Variants in OTP observed in about 807,000 individuals in gnomAD.
The protein encoded by OTP is orthopedia homeobox.
In OTP, 5 loss-of-function variants were observed where a neutral mutation model predicts 22.3. The observed-to-expected ratio is 0.22, with a 90% CI of 0.12 to 0.47. The LOEUF (loss-of-function observed/expected upper bound fraction) is 0.47, where lower values mean the gene tolerates loss of function less well. Among genes scored for constraint, OTP ranks in the 20% least tolerant of loss-of-function variants. The pLI, the probability that OTP is intolerant of heterozygous loss-of-function variation, is 0.99. For missense variants in OTP, 428 were observed against 456.2 expected (o/e 0.94, Z 0.56); for synonymous variants, 229 against 210.6 (o/e 1.09, Z -0.76).
At chr5:77,631,604 G>A (rs1744932942) in intron 2 of OTP, among the ~76,000 whole-genome samples, 1 of 138,556 alleles carries the variant, frequency 7.2e-6, no homozygotes, top group Admixed American at 7.7e-5. Context: ...TGTAGCCCAG[G>A]TTGGAGTGCA....
In OTP at chr5:77,630,740, C is replaced by T. The variant is rs769791656; in HGVS notation, c.502G>A (p.Val168Met). The T allele has an allele frequency of 3.8e-6, 6 of 1,581,130 alleles. No individual in the cohort carries two copies. The highest frequency in any genetic ancestry group is 5.1e-6 in the Non-Finnish European group (6 of 1,172,378). Residue 168 changes from valine to methionine, a missense_variant, in exon 3 of 3, where the codon GTG becomes ATG. By Grantham distance (21) the Val-to-Met change is conservative. This residue lies in a region of OTP where 236 missense variants were observed against 238.1 expected (regional missense o/e 0.99). Coordinates refer to ENST00000306422, the MANE Select transcript of OTP (RefSeq NM_032109.3). The stretch of plus-strand genomic sequence containing the variant: ...AGCAGTGTGCCGGGCGCACGGAACA[C>T]GTTGGTCGTCTTTTTGCGCTTCTTC... ...KWKKRKKTTN[V>M]FRAPGTLLPT... is the part of the protein sequence containing the mutation.
chr5:77,632,531 CG>C (rs1561245899), intron 2 of OTP, among the ~76,000 whole-genome samples: 2 of 152,204 alleles, frequency 1.3e-5, no homozygotes, highest in South Asian at 4.2e-4. Context: ...TACCTGCCCT[CG>C]GTCTCGGTGA....
At chr5:77,637,963 C>T (rs1438344606) in intron 1 of OTP, among the ~76,000 whole-genome samples, 1 of 152,162 alleles carries the variant, frequency 6.6e-6, no homozygotes, top group African/African-American at 2.4e-5. Flanking sequence ...ATTGGCAACG[C>T]TGAGTCCCTT....
Position 77,636,977 on chromosome 5 carries a change from C to T in OTP, c.291G>A (p.Gln97=), listed in dbSNP as rs1454218805. 7.4e-6 allele frequency: 12 copies of T among 1,613,872 alleles called. No homozygotes were observed. The highest frequency in any genetic ancestry group is 1.3e-5 in the African/African-American group (1 of 74,916). Reference sequence around the variant, plus strand: ...GCTTCTGCTTCTGTTGGCCCTGCTGCTGGCCGGCTTGGCTGGGGTTCGGGC... The same window carrying T: ...GCTTCTGCTTCTGTTGGCCCTGCTGTTGGCCGGCTTGGCTGGGGTTCGGGC... ...QGGPNPSQAG[Q]QQGQQKQKRH... Residue 97 remains glutamine, a synonymous_variant, in exon 2 of 3, where the codon CAG becomes CAA. Transcript: ENST00000306422.
Position 77,629,083 on chromosome 5 carries a change from G to C in OTP, c.*1181C>G, listed in dbSNP as rs957490720. On this transcript the variant is annotated 3_prime_UTR_variant, in exon 3 of 3. Transcript: ENST00000306422. ...CAGGTGGCCGAGGGGCACGAGGGAC[G>C]ACAGGACCACCACAAAACAACCAAG... The C allele has an allele frequency of 6.6e-6, 1 of 152,660 alleles. No individual in the cohort carries two copies. The highest frequency in any genetic ancestry group is 1.5e-5 in the Non-Finnish European group (1 of 68,074). 9.5% of individuals were successfully genotyped at this position (152,660 alleles called of 1,614,324 possible).
Position 77,637,230 on chromosome 5 carries a change from C to A in OTP, c.38G>T (p.Gly13Val). Residue 13 changes from glycine (G) to valine (V), a missense_variant and splice_region_variant, in exon 2 of 3, where the codon GGT becomes GTT. Coordinates refer to ENST00000306422, the MANE Select transcript of OTP (RefSeq NM_032109.3). ...SHADLLDARLGMKDAAELLGH... is the reference protein window; with the variant it reads ...SHADLLDARLVMKDAAELLGH... Reference sequence around the variant, plus strand: ...CAGAAGCTCGGCGGCATCTTTCATACCTGAGGAGGCAAGGGGATCGCGGTC... The same window carrying A: ...CAGAAGCTCGGCGGCATCTTTCATAACTGAGGAGGCAAGGGGATCGCGGTC... The A allele has an allele frequency of 6.7e-7, 1 of 1,498,876 alleles. No individual in the cohort carries two copies. The highest frequency in any genetic ancestry group is 8.9e-7 in the Non-Finnish European group (1 of 1,124,850). 92.8% of individuals were successfully genotyped at this position (1,498,876 alleles called of 1,614,324 possible).
Position 77,637,218 on chromosome 5 carries a change from G to C in OTP, c.50C>G (p.Ala17Gly). ...CTCCCGGTGGCCCAGAAGCTCGGCGGCATCTTTCATACCTGAGGAGGCAAG... is the reference window on the plus strand; with the variant it reads ...CTCCCGGTGGCCCAGAAGCTCGGCGCCATCTTTCATACCTGAGGAGGCAAG... ...LLDARLGMKD[A>G]AELLGHREAV... The change falls in exon 2 of 3, where the codon GCC (alanine) becomes GGC (glycine). Residue 17 changes from alanine (A) to glycine (G), a missense_variant. Physicochemically the swap from Ala to Gly is moderately conservative, Grantham distance 60. Coordinates refer to ENST00000306422, the MANE Select transcript of OTP (RefSeq NM_032109.3). 1 of 1,521,092 alleles carries C rather than the reference G, an allele frequency of 6.6e-7. No homozygotes were observed. Among genetic ancestry groups the C allele is most frequent in the Non-Finnish European group, 8.8e-7 (1 of 1,135,432 alleles). The allele number at this position is 1,521,092 out of a possible 1,614,324, so 94.2% of individuals were successfully genotyped here.
At chr5:77,635,536 A>G (rs1744994006) in intron 2 of OTP, among the ~76,000 whole-genome samples, 1 of 152,240 alleles carries the variant, frequency 6.6e-6, no homozygotes. Context: ...TAAATCCCCA[A>G]TAATATTCAT....
Position 77,637,051 on chromosome 5 carries a change from G to A in OTP, c.217C>T (p.Leu73=). 6.2e-7 allele frequency: 1 copy of A among 1,613,066 alleles called. No individual in the cohort carries two copies. The highest frequency in any genetic ancestry group is 8.5e-7 in the Non-Finnish European group (1 of 1,179,708). The change falls in exon 2 of 3, where the codon CTG becomes TTG. Residue 73 remains leucine (L), a synonymous_variant. Transcript: ENST00000306422. ...ITTVGSTPAS[L]AVSAKDPDKQ... is the part of the protein sequence containing the mutation. The stretch of plus-strand genomic sequence containing the variant: ...TCCGGGTCTTTGGCGCTCACCGCCA[G>A]CGAGGCCGGAGTAGAGCCCACTGTG...
At chr5:77,634,364 G>A (rs1172238978) in intron 2 of OTP, among the ~76,000 whole-genome samples, 1 of 152,170 alleles carries the variant, frequency 6.6e-6, no homozygotes, top group Non-Finnish European at 1.5e-5. Context: ...AGCTATATCA[G>A]ACATGGAATT....
At chr5:77,631,357 A>T (rs554177199) in intron 2 of OTP, among the ~76,000 whole-genome samples, 100 of 152,218 alleles carry the variant, frequency 6.6e-4, no homozygotes, top group African/African-American at 2.3e-3. Context: ...TAATACAGTG[A>T]TCTGCGTGGG....
At chr5:77,634,520 T>C (rs1482490091) in intron 2 of OTP, among the ~76,000 whole-genome samples, 1 of 152,222 alleles carries the variant, frequency 6.6e-6, no homozygotes, top group African/African-American at 2.4e-5. Flanking sequence ...ATTAAATGTT[T>C]AGATAATTTT....
In OTP at chr5:77,637,114, C is replaced by G; in HGVS notation, c.154G>C (p.Val52Leu). The G allele has an allele frequency of 1.9e-6, 3 of 1,611,302 alleles. No homozygotes were observed. The highest frequency in any genetic ancestry group is 2.5e-6 in the Non-Finnish European group (3 of 1,178,884). Residue 52 changes from valine (V) to leucine (L), a missense_variant, in exon 2 of 3, where the codon GTG becomes CTG. Val to Leu is a conservative substitution (Grantham distance 32). Transcript: ENST00000306422. ...PGDLAPNSDP[V>L]EGATLLPGED... Reference sequence around the variant, plus strand: ...CCGGGCAGCAGAGTGGCTCCCTCCACTGGGTCAGAGTTGGGCGCCAGGTCC... The same window carrying G: ...CCGGGCAGCAGAGTGGCTCCCTCCAGTGGGTCAGAGTTGGGCGCCAGGTCC...
chr5:77,630,890 A>C, intron 2 of OTP, 96 bp from the exon 3 acceptor site: 2 of 1,305,726 alleles, frequency 1.5e-6, no homozygotes, highest in Non-Finnish European at 2.0e-6. Flanking sequence ...CCTCGGATAC[A>C]GCCGCTCTGC....
intron 2 of OTP, chr5:77,636,515 G>A (rs546008318): frequency 1.1e-5 from 4 of 360,554 alleles, no homozygotes; most frequent in Non-Finnish European, 2.0e-5. Context: ...CCGCCCGGGG[G>A]GGCGCTGAGG....
rs1394698287 is a variant in OTP, at chr5:77,630,599, G to C, written c.643C>G (p.Pro215Ala). ...GGCAGAGGCAGCTGTGACACGCCAG[G>C]CATGGCGGCCGCCGCCCAGCGGGTG... ...NDTRWAAAAM[P>A]GVSQLPLPPA... Residue 215 changes from proline (P) to alanine (A), a missense_variant, in exon 3 of 3, where the codon CCT becomes GCT. By Grantham distance (27) the Pro-to-Ala change is conservative (BLOSUM62 -1). Around this residue, in one of 3 missense-constraint regions of OTP, gnomAD observed 236 missense variants for 238.1 expected, o/e 0.99. Coordinates refer to ENST00000306422, the MANE Select transcript of OTP (RefSeq NM_032109.3). 1 of 1,555,204 alleles carries C rather than the reference G, an allele frequency of 6.4e-7. No individual in the cohort carries two copies. The highest frequency in any genetic ancestry group is 8.6e-7 in the Non-Finnish European group (1 of 1,157,158).
intron 2 of OTP, among the ~76,000 whole-genome samples, chr5:77,632,356 G>T (rs1210346383): frequency 6.6e-6 from 1 of 152,240 alleles, no homozygotes. Context: ...GGCGTTTACT[G>T]TGCCTAAATA....
rs143794465 is a variant in OTP, at chr5:77,637,021, G to C, written c.247C>G (p.Gln83Glu). The change falls in exon 2 of 3, where the codon CAG (glutamine) becomes GAG (glutamate). Residue 83 changes from glutamine to glutamate, a missense_variant. Gln to Glu is a conservative substitution (Grantham distance 29, BLOSUM62 2). Transcript: ENST00000306422. Reference protein sequence around the residue: ...LAVSAKDPDKQPGPQGGPNPS... With the variant: ...LAVSAKDPDKEPGPQGGPNPS... The stretch of plus-strand genomic sequence containing the variant: ...TTCGGGCCGCCCTGGGGCCCGGGCT[G>C]CTTGTCCGGGTCTTTGGCGCTCACC... The C allele has an allele frequency of 5.0e-6, 8 of 1,612,934 alleles. No homozygotes were observed. Among genetic ancestry groups the C allele is most frequent in the Non-Finnish European group, 5.9e-6 (7 of 1,179,634 alleles).
intron 1 of OTP, among the ~76,000 whole-genome samples, chr5:77,637,940 A>G (rs1306288512): frequency 6.6e-6 from 1 of 152,194 alleles, no homozygotes; most frequent in Non-Finnish European, 1.5e-5. Context: ...TAAAAGGCGC[A>G]TTCCTCACAG....
Sources: gnomAD v4.1 joint callset for allele counts (sites outside exome capture counted in the v4.1 genomes callset) on GRCh38, gnomAD v4.1.1 for gene constraint, gnomAD v4.1.1 regional missense constraint, MANE v1.5 for transcripts, NCBI Gene and HGNC (gene_info 2026-07-23, HGNC 2026-07-21) for gene names.